The following SAMD4A variants were observed in gnomAD, a reference collection of about 807,000 sequenced individuals.
The protein encoded by SAMD4A is protein Smaug homolog 1.
SAMD4A carries 33 observed loss-of-function variants against 81.3 expected under a neutral mutation model. The observed-to-expected ratio is 0.41, with a 90% CI of 0.31 to 0.54. The LOEUF (loss-of-function observed/expected upper bound fraction) is 0.54. SAMD4A is among the 20% of genes least tolerant of loss of function. The pLI is 0.37. For synonymous variants in SAMD4A, 389 were observed against 382.1 expected (o/e 1.02, Z -0.21); for missense variants, 854 against 951.1 (o/e 0.90, Z 1.34).
At chr14:54,749,013 C>G (rs1422393089) in intron 5 of SAMD4A, 89 bp downstream of exon 5, 1 of 855,706 alleles carries the variant, frequency 1.2e-6, no homozygotes, top group Non-Finnish European at 1.9e-6. Context: ...GGACCCATAC[C>G]TATGCCCACA....
At chr14:54,626,385 C>A (rs2034765369) in intron 2 of SAMD4A, among the ~76,000 whole-genome samples, 1 of 152,124 alleles carries the variant, frequency 6.6e-6, no homozygotes, top group Non-Finnish European at 1.5e-5. Context: ...GAGTAAGAAG[C>A]TAATTGACAT....
chr14:54,694,827 A>G, intron 2 of SAMD4A: 1 of 985,514 alleles, frequency 1.0e-6, no homozygotes, highest in South Asian at 4.7e-5. Flanking sequence ...GGAGTAAAGG[A>G]GCAGTCCTGG....
chr14:54,745,489 C>T (rs376488424), intron 4 of SAMD4A, among the ~76,000 whole-genome samples: 1 of 152,150 alleles, frequency 6.6e-6, no homozygotes, highest in Admixed American at 6.5e-5. Flanking sequence ...AAAGGCTCAT[C>T]GTTCTGTGCT....
chr14:54,570,307 A>G (rs768419905), intron 2 of SAMD4A, among the ~76,000 whole-genome samples: 54 of 152,306 alleles, frequency 3.5e-4, no homozygotes, highest in Middle Eastern at 3.4e-3. Context: ...GGCTCTCTGC[A>G]TATCCGGAAA....
At chr14:54,632,696 G>A (rs1354910441) in intron 2 of SAMD4A, among the ~76,000 whole-genome samples, 1 of 152,164 alleles carries the variant, frequency 6.6e-6, no homozygotes, top group Non-Finnish European at 1.5e-5. Context: ...CTGGCAGGCA[G>A]TATTGCATAG....
intron 8 of SAMD4A, among the ~76,000 whole-genome samples, chr14:54,767,568 A>G (rs2038585257): frequency 6.6e-6 from 1 of 152,214 alleles, no homozygotes; most frequent in Non-Finnish European, 1.5e-5. Flanking sequence ...CTGGGACACC[A>G]TAGCCATCTT....
intron 7 of SAMD4A, among the ~76,000 whole-genome samples, chr14:54,760,803 TG>T (rs1163286086): frequency 6.6e-6 from 1 of 152,124 alleles, no homozygotes; most frequent in Non-Finnish European, 1.5e-5. Flanking sequence ...AGGAGGAAGG[TG>T]GGAAGGACTT....
intron 12 of SAMD4A, 144 bp from the exon 13 acceptor site, chr14:54,788,772 T>G: frequency 1.1e-6 from 1 of 919,696 alleles, no homozygotes; most frequent in South Asian, 1.4e-5. Context: ...TGGGTGGGTA[T>G]GTAAATGCGT....
At chr14:54,675,631 G>T (rs1006002338) in intron 2 of SAMD4A, among the ~76,000 whole-genome samples, 2 of 152,184 alleles carry the variant, frequency 1.3e-5, no homozygotes, top group African/African-American at 4.8e-5. Context: ...ATTGCTTCTG[G>T]TAGAATTCAA....
chr14:54,729,892 T>C (rs1397512694), intron 3 of SAMD4A, among the ~76,000 whole-genome samples: 2 of 152,208 alleles, frequency 1.3e-5, no homozygotes, highest in Non-Finnish European at 2.9e-5. Context: ...TTAAAGTATA[T>C]ACATATTGGC....
chr14:54,663,066 T>G (rs756021383), intron 2 of SAMD4A, among the ~76,000 whole-genome samples: 4 of 152,152 alleles, frequency 2.6e-5, no homozygotes, highest in Non-Finnish European at 5.9e-5. Context: ...CATAACAGGA[T>G]GAGAGAGAAG....
chr14:54,789,060 C>A lies in SAMD4A; in HGVS notation c.*116C>A. On this transcript the variant is annotated 3_prime_UTR_variant, in exon 13 of 13. Transcript: ENST00000554335. ...AGATACTTTGCAGCCTTTTTTCCCC[C>A]TGGTCCCTCTCCCGTTTTGATTTTG... 1.7e-6 allele frequency: 2 copies of A among 1,151,948 alleles called. No individual in the cohort carries two copies. Among genetic ancestry groups the A allele is most frequent in the South Asian group, 1.2e-5 (1 of 80,762 alleles). The allele number at this position is 1,151,948 out of a possible 1,614,324, so 71.4% of individuals were successfully genotyped here.
chr14:54,698,853 G>C (rs542952156), intron 2 of SAMD4A, among the ~76,000 whole-genome samples: 25 of 152,116 alleles, frequency 1.6e-4, no homozygotes, highest in Non-Finnish European at 3.2e-4. Context: ...TTAATCCACA[G>C]CAGAGAGCGG....
intron 4 of SAMD4A, among the ~76,000 whole-genome samples, chr14:54,739,055 C>CTTTTTTTTT (rs3051648): frequency 0.011 from 1,063 of 97,174 alleles, 69 homozygotes; most frequent in East Asian, 0.044. Context: ...CTTTCCTTTT[C>CTTTTTTTTT]TTTTTTTTTT....
chr14:54,574,107 T>C (rs187533909), intron 2 of SAMD4A, among the ~76,000 whole-genome samples: 35 of 152,286 alleles, frequency 2.3e-4, no homozygotes, highest in Non-Finnish European at 5.1e-4. Flanking sequence ...TTGGCACATA[T>C]AAATTTACCA....
intron 2 of SAMD4A, among the ~76,000 whole-genome samples, chr14:54,576,773 C>G (rs1164193074): frequency 6.6e-6 from 1 of 152,196 alleles, no homozygotes; most frequent in Non-Finnish European, 1.5e-5. Flanking sequence ...GAAATAGCAG[C>G]AGGTGAGAAT....
intron 2 of SAMD4A, among the ~76,000 whole-genome samples, chr14:54,581,877 C>T (rs979504906): frequency 1.7e-4 from 26 of 152,154 alleles, no homozygotes; most frequent in Non-Finnish European, 1.8e-4. Flanking sequence ...AATAATTATG[C>T]TTTGCTTTTT....
rs751491090 is a variant in SAMD4A at position 54,776,574 on chromosome 14, G to C, written c.2044+34G>C. Reference sequence around the variant, plus strand: ...CGGCGCTTCATGTCCCCTTGACACAGAGGGGAGGCCAAAATAGATGCCCTA... The same window carrying C: ...CGGCGCTTCATGTCCCCTTGACACACAGGGGAGGCCAAAATAGATGCCCTA... On this transcript the variant is annotated intron_variant, in intron 11 of 12. Coordinates refer to ENST00000554335, the MANE Select transcript of SAMD4A (RefSeq NM_015589.6). 10 of 1,500,314 alleles carry C rather than the reference G, an allele frequency of 6.7e-6. No homozygotes were observed. The South Asian group carries it at 1.1e-4, about 16-fold the overall frequency. The allele number at this position is 1,500,314 out of a possible 1,614,324, so 92.9% of individuals were successfully genotyped here.
intron 3 of SAMD4A, among the ~76,000 whole-genome samples, chr14:54,731,489 A>G (rs184940226): frequency 9.9e-4 from 151 of 152,370 alleles, no homozygotes; most frequent in Admixed American, 1.4e-3. Context: ...TTCAAGAAGA[A>G]TATTGTAAGA....
Sources: allele counts gnomAD v4.1 joint callset (sites outside exome capture counted in the v4.1 genomes callset), GRCh38; gene constraint gnomAD v4.1.1; transcripts MANE v1.5; gene names NCBI Gene and HGNC (gene_info 2026-07-23, HGNC 2026-07-21).